The following ARHGAP15 variants were observed in gnomAD, a reference collection of about 807,000 sequenced individuals.
The protein encoded by ARHGAP15 is Rho GTPase activating protein 15.
In ARHGAP15, 51 loss-of-function variants were observed where a neutral mutation model predicts 63.7. The observed-to-expected ratio is 0.80, with a 90% CI of 0.64 to 1.01. ARHGAP15 has a LOEUF of 1.01. Among genes scored for constraint, ARHGAP15 ranks in the 50% least tolerant of loss-of-function variants. The pLI is 0.00. For synonymous variants in ARHGAP15, 191 were observed against 193.8 expected, an observed-to-expected ratio of 0.99 and a Z score of 0.12; for missense variants, 560 against 564.6, an observed-to-expected ratio of 0.99 and a Z score of 0.08.
intron 6 of ARHGAP15, among the ~76,000 whole-genome samples, chr2:143,282,759 C>A (rs1232542492): frequency 2.0e-5 from 3 of 152,070 alleles, no homozygotes; most frequent in African/African-American, 7.2e-5. Context: ...AATTACAGAG[C>A]CAAAATTTGG....
At chr2:143,134,159 CTATCTATCATCT>C (rs1286631489) in intron 1 of ARHGAP15, among the ~76,000 whole-genome samples, 1 of 127,444 alleles carries the variant, frequency 7.8e-6, no homozygotes, top group African/African-American at 2.9e-5. Flanking sequence ...ATCTACCTAT[CTATCTATCATCT>C]ATCTATCTAT....
chr2:143,472,737 T>A (rs1262715125), intron 8 of ARHGAP15, among the ~76,000 whole-genome samples: 1 of 152,108 alleles, frequency 6.6e-6, no homozygotes, highest in Admixed American at 6.6e-5. Flanking sequence ...AGGGGAGGAC[T>A]GTAATCTACT....
chr2:143,552,311 C>CA (rs1340254071), intron 10 of ARHGAP15, among the ~76,000 whole-genome samples: 4 of 152,136 alleles, frequency 2.6e-5, no homozygotes, highest in African/African-American at 9.7e-5. Flanking sequence ...TTCGGGCTAC[C>CA]AAAAATGCTA....
At chr2:143,329,872 T>G (rs1684429411) in intron 6 of ARHGAP15, among the ~76,000 whole-genome samples, 1 of 148,378 alleles carries the variant, frequency 6.7e-6, no homozygotes, top group Non-Finnish European at 1.5e-5. Context: ...ACAAAAGTTA[T>G]GAGAGAACAT....
At chr2:143,343,891 C>T (rs1447353430) in intron 6 of ARHGAP15, among the ~76,000 whole-genome samples, 3 of 152,198 alleles carry the variant, frequency 2.0e-5, no homozygotes. Flanking sequence ...AAGCTTTCTA[C>T]TTTAAAAACA....
chr2:143,323,285 G>A (rs557277444), intron 6 of ARHGAP15, among the ~76,000 whole-genome samples: 1 of 152,268 alleles, frequency 6.6e-6, no homozygotes, highest in East Asian at 1.9e-4. Context: ...CATGCTTTTT[G>A]TTTTGAAACA....
intron 12 of ARHGAP15, among the ~76,000 whole-genome samples, chr2:143,657,429 G>C (rs1159202112): frequency 6.6e-6 from 1 of 152,124 alleles, no homozygotes; most frequent in South Asian, 2.1e-4. Flanking sequence ...TGAATACCAC[G>C]CTTATTCAGA....
chr2:143,211,451 T>C (rs758814528), intron 3 of ARHGAP15, among the ~76,000 whole-genome samples: 4 of 152,094 alleles, frequency 2.6e-5, no homozygotes, highest in East Asian at 3.9e-4. Flanking sequence ...ATAGAAATCA[T>C]TGAAACAGAC....
intron 6 of ARHGAP15, among the ~76,000 whole-genome samples, chr2:143,290,711 TAGG>T (rs1032542028): frequency 1.3e-5 from 2 of 152,098 alleles, no homozygotes; most frequent in Admixed American, 6.6e-5. Flanking sequence ...ATACACAATG[TAGG>T]AGGAGGAACA....
chr2:143,356,359 T>C (rs1260439426), intron 6 of ARHGAP15, among the ~76,000 whole-genome samples: 1 of 152,154 alleles, frequency 6.6e-6, no homozygotes, highest in African/African-American at 2.4e-5. Flanking sequence ...TGAATTAATA[T>C]AGGTACTGCT....
chr2:143,727,888 T>C (rs1195800717), intron 13 of ARHGAP15, among the ~76,000 whole-genome samples: 2 of 152,256 alleles, frequency 1.3e-5, no homozygotes, highest in Non-Finnish European at 1.5e-5. Context: ...TATTCATAAT[T>C]TGACACAGGT....
At chr2:143,728,752 G>C (rs2105479188) in intron 13 of ARHGAP15, among the ~76,000 whole-genome samples, 1 of 152,212 alleles carries the variant, frequency 6.6e-6, no homozygotes, top group East Asian at 1.9e-4. Context: ...CGCCTTCAGG[G>C]ACCCCGGTCT....
chr2:143,609,254 C>A (rs745925184), intron 11 of ARHGAP15, among the ~76,000 whole-genome samples: 2 of 152,150 alleles, frequency 1.3e-5, no homozygotes, highest in Non-Finnish European at 2.9e-5. Context: ...ACTCTACTGG[C>A]TCAATTCTCT....
intron 6 of ARHGAP15, among the ~76,000 whole-genome samples, chr2:143,266,539 T>C (rs945021210): frequency 6.6e-6 from 1 of 152,156 alleles, no homozygotes; most frequent in African/African-American, 2.4e-5. Context: ...GGAAATGATA[T>C]GTATCTATGA....
chr2:143,549,341 A>C (rs1309837546), intron 10 of ARHGAP15, among the ~76,000 whole-genome samples: 1 of 152,290 alleles, frequency 6.6e-6, no homozygotes, highest in East Asian at 1.9e-4. Flanking sequence ...ATGGTGCTGA[A>C]AACAGAAAAG....
At chr2:143,362,836 G>A (rs1392533887) in intron 6 of ARHGAP15, among the ~76,000 whole-genome samples, 1 of 152,074 alleles carries the variant, frequency 6.6e-6, no homozygotes, top group Admixed American at 6.6e-5. Flanking sequence ...AAAGCCACCT[G>A]AACACATCTG....
chr2:143,139,262 A>G (rs1445408622), intron 1 of ARHGAP15, among the ~76,000 whole-genome samples: 1 of 152,060 alleles, frequency 6.6e-6, no homozygotes, highest in Admixed American at 6.6e-5. Flanking sequence ...TCCTGAAGTC[A>G]TATTATTAAG....
At chr2:143,390,717 C>G (rs1687500115) in intron 6 of ARHGAP15, among the ~76,000 whole-genome samples, 1 of 131,120 alleles carries the variant, frequency 7.6e-6, no homozygotes, top group South Asian at 2.8e-4. Flanking sequence ...CAAGTACACC[C>G]TTGGAAAACA....
chr2:143,720,154 G>T (rs1214229317), intron 13 of ARHGAP15, among the ~76,000 whole-genome samples: 2 of 152,166 alleles, frequency 1.3e-5, no homozygotes, highest in African/African-American at 4.8e-5. Flanking sequence ...GGGCGGGGAA[G>T]ATGATGACCA....
Sources: allele counts gnomAD v4.1 joint callset (sites outside exome capture counted in the v4.1 genomes callset), GRCh38; gene constraint gnomAD v4.1.1; transcripts MANE v1.5; gene names NCBI Gene and HGNC (gene_info 2026-07-23, HGNC 2026-07-21).